CHN2: variants seen among roughly 807,000 people sequenced by gnomAD.
The protein encoded by CHN2 is chimerin 2.
A neutral mutation model predicts 56.3 loss-of-function variants in CHN2; 35 were observed. That is an observed-to-expected ratio of 0.62 (90% CI 0.47 to 0.82). The LOEUF is 0.82. CHN2 is among the 40% of genes least tolerant of loss of function. The probability of loss-of-function intolerance (pLI) is 0.00; values close to 1 mark genes in which losing one functional copy is unlikely to be tolerated. For missense variants in CHN2, 491 were observed against 580.5 expected (o/e 0.85, Z 1.58); for synonymous variants, 210 against 212.8 (o/e 0.99, Z 0.12).
chr7:29,167,446 G>A (rs1383138935), intron 2 of CHN2, among the ~76,000 whole-genome samples: 1 of 151,980 alleles, frequency 6.6e-6, no homozygotes, highest in African/African-American at 2.4e-5. Flanking sequence ...TGTTTGATTC[G>A]CTGGTACAAA....
At chr7:29,503,141 G>A (rs1310508604) in intron 9 of CHN2, among the ~76,000 whole-genome samples, 3 of 152,024 alleles carry the variant, frequency 2.0e-5, no homozygotes, top group Non-Finnish European at 4.4e-5. Context: ...TGGAGACGGA[G>A]GTCTCCAAAG....
intron 2 of CHN2, among the ~76,000 whole-genome samples, chr7:29,159,320 G>T (rs1378785904): frequency 6.6e-6 from 1 of 152,178 alleles, no homozygotes; most frequent in Non-Finnish European, 1.5e-5. Context: ...GCAGAATAAG[G>T]GTTGAAACCC....
At chr7:29,333,130 T>A (rs535377643) in intron 1 of CHN2, 118 of 151,976 alleles carry the variant, frequency 7.8e-4, no homozygotes, top group Non-Finnish European at 1.4e-3. Context: ...AGCTGGGAAG[T>A]AGGAAGTAGA....
intron 1 of CHN2, 174 bp downstream of exon 1, chr7:29,195,164 C>T (rs1584688648): frequency 1.8e-6 from 1 of 565,324 alleles, no homozygotes; most frequent in Non-Finnish European, 2.9e-6. Context: ...GTGCCCAGAG[C>T]ACCTCCGCGC....
intron 1 of CHN2, among the ~76,000 whole-genome samples, chr7:29,344,673 G>A (rs12666422): frequency 1.3e-5 from 2 of 152,002 alleles, no homozygotes; most frequent in Non-Finnish European, 2.9e-5. Flanking sequence ...TGGGCTCCAC[G>A]TGCTGTGGTA....
At chr7:29,240,611 G>T (rs1787580086) in intron 1 of CHN2, among the ~76,000 whole-genome samples, 1 of 152,012 alleles carries the variant, frequency 6.6e-6, no homozygotes, top group Non-Finnish European at 1.5e-5. Flanking sequence ...ACTCCTATGA[G>T]ATTCACAGCC....
chr7:29,273,354 T>C (rs1180199449), intron 1 of CHN2, among the ~76,000 whole-genome samples: 1 of 67,466 alleles, frequency 1.5e-5, no homozygotes, highest in African/African-American at 7.1e-5. Flanking sequence ...TATATATATA[T>C]ATATATATAT....
At chr7:29,305,137 C>T (rs1794039587) in intron 1 of CHN2, among the ~76,000 whole-genome samples, 2 of 152,158 alleles carry the variant, frequency 1.3e-5, no homozygotes, top group Non-Finnish European at 2.9e-5. Flanking sequence ...CAGCGTTTGC[C>T]TGCACAGAGG....
At chr7:29,327,727 G>A (rs571129295) in intron 1 of CHN2, among the ~76,000 whole-genome samples, 31 of 152,270 alleles carry the variant, frequency 2.0e-4, no homozygotes, top group South Asian at 1.0e-3. Flanking sequence ...CTAGAGCGCC[G>A]TATAAATGCT....
At chr7:29,356,946 G>A (rs146380746) in intron 2 of CHN2, among the ~76,000 whole-genome samples, 2 of 152,248 alleles carry the variant, frequency 1.3e-5, no homozygotes, top group African/African-American at 4.8e-5. Context: ...GTACATTAAC[G>A]ACCCAATAAA....
At chr7:29,227,779 C>T (rs951958062) in intron 1 of CHN2, among the ~76,000 whole-genome samples, 1 of 152,138 alleles carries the variant, frequency 6.6e-6, no homozygotes, top group Non-Finnish European at 1.5e-5. Context: ...ACTTTTCCCT[C>T]CCCTCTTTAG....
rs544946862 is a variant in CHN2, at chr7:29,219,987, A to G, written c.49+24997A>G. ...CTACTCGGGAGGCTGAGGCAGGAGAATCACTTGAACCCAGGAGGCGGAGGT... is the reference window on the plus strand; with the variant it reads ...CTACTCGGGAGGCTGAGGCAGGAGAGTCACTTGAACCCAGGAGGCGGAGGT... On this transcript the variant is annotated intron_variant, in intron 1 of 12. Transcript: ENST00000222792. 1.5e-3 allele frequency among the ~76,000 whole-genome samples: 233 copies of G among 152,276 alleles called. 1 individual carries two copies. Among genetic ancestry groups the G allele is most frequent in the African/African-American group, 5.2e-3 (218 of 41,556 alleles).
chr7:29,364,355 T>G (rs1798974824), intron 2 of CHN2, among the ~76,000 whole-genome samples: 1 of 152,206 alleles, frequency 6.6e-6, no homozygotes, highest in African/African-American at 2.4e-5. Flanking sequence ...ATGCTTCTCT[T>G]TTATAACAGG....
chr7:29,506,002 C>T (rs778701628), intron 10 of CHN2, among the ~76,000 whole-genome samples: 1 of 152,162 alleles, frequency 6.6e-6, no homozygotes, highest in Admixed American at 6.5e-5. Context: ...TTTGCTGAGG[C>T]ATTTATTCTT....
intron 1 of CHN2, among the ~76,000 whole-genome samples, chr7:29,292,528 T>G (rs1792717329): frequency 6.6e-6 from 1 of 152,282 alleles, no homozygotes; most frequent in Non-Finnish European, 1.5e-5. Flanking sequence ...CAGACACAGA[T>G]GCCTTGCTTT....
At chr7:29,230,465 C>T (rs568790038) in intron 1 of CHN2, among the ~76,000 whole-genome samples, 15 of 152,200 alleles carry the variant, frequency 9.9e-5, no homozygotes, top group South Asian at 8.3e-4. Flanking sequence ...CTCAGCCTCC[C>T]GAGTAGCTGG....
At chr7:29,401,101 T>C in intron 6 of CHN2, 1 of 337,354 alleles carries the variant, frequency 3.0e-6, no homozygotes, top group Non-Finnish European at 5.5e-6. Context: ...ACCCCGTCTC[T>C]ACAAAAAATA....
chr7:29,439,945 C>T (rs1783507181), intron 6 of CHN2, among the ~76,000 whole-genome samples: 1 of 152,190 alleles, frequency 6.6e-6, no homozygotes, highest in African/African-American at 2.4e-5. Flanking sequence ...GGTTAATTAA[C>T]TGGTTCAAGT....
Position 29,354,604 on chromosome 7 carries a change from CTTT to C in CHN2, c.50-11_50-9del, listed in dbSNP as rs66659316. The stretch of plus-strand genomic sequence containing the variant: ...TGACGTTCAGGCTGATGATGGATTT[CTTT>C]TTTTTTTTTCATTCTAGATGCTGAA... On this transcript the variant is annotated intron_variant, in intron 1 of 12. Transcript: ENST00000222792. 262 of 1,386,614 alleles carry C rather than the reference CTTT, an allele frequency of 1.9e-4. No homozygotes were observed. The highest frequency in any genetic ancestry group is 2.3e-4 in the Admixed American group (12 of 52,872). 85.9% of individuals were successfully genotyped at this position (1,386,614 alleles called of 1,614,324 possible). A position where few individuals can be genotyped will look rare whatever the true frequency, so the allele number is the denominator to read the frequency against.
Sources: gnomAD v4.1 joint callset for allele counts (sites outside exome capture counted in the v4.1 genomes callset) on GRCh38, gnomAD v4.1.1 for gene constraint, MANE v1.5 for transcripts, NCBI Gene and HGNC (gene_info 2026-07-23, HGNC 2026-07-21) for gene names.